Variants in IPO11 observed in about 807,000 individuals in gnomAD.
IPO11 encodes importin-11.
A neutral mutation model predicts 143.2 loss-of-function variants in IPO11; 66 were observed. The ratio of observed to expected loss-of-function variants is 0.46; its 90% CI spans 0.38 to 0.57. IPO11 has a LOEUF of 0.57. Ranked by LOEUF, IPO11 falls within the 20% of genes least tolerant of loss-of-function variation. The pLI is 0.00. For synonymous variants in IPO11, 385 were observed against 377.8 expected, an observed-to-expected ratio of 1.02 and a Z score of -0.22; for missense variants, 1,026 against 1,141.0, an observed-to-expected ratio of 0.90 and a Z score of 1.45.
intron 26 of IPO11, among the ~76,000 whole-genome samples, chr5:62,558,245 AAC>A (rs1743643266): frequency 6.6e-6 from 1 of 152,202 alleles, no homozygotes; most frequent in Non-Finnish European, 1.5e-5. Context: ...AAGTATTGTA[AAC>A]ACATGTTTTG....
intron 18 of IPO11, among the ~76,000 whole-genome samples, chr5:62,505,461 A>G (rs531860840): frequency 9.9e-5 from 15 of 152,230 alleles, no homozygotes; most frequent in African/African-American, 2.9e-4. Context: ...GAAGAAAGTT[A>G]CGTGATAAAA....
intron 26 of IPO11, 83 bp from the exon 27 acceptor site, chr5:62,561,053 A>C (rs1035756166): frequency 1.6e-6 from 2 of 1,231,784 alleles, no homozygotes; most frequent in African/African-American, 3.1e-5. Flanking sequence ...ACCATGACTT[A>C]TGAGGCTTTA....
intron 24 of IPO11, among the ~76,000 whole-genome samples, chr5:62,542,796 A>G (rs776057482): frequency 6.7e-6 from 1 of 148,710 alleles, no homozygotes; most frequent in Non-Finnish European, 1.5e-5. Context: ...ATTTGTCAAT[A>G]TTACAGCCGT....
chr5:62,619,769 C>T (rs566059101), intron 29 of IPO11, among the ~76,000 whole-genome samples: 2 of 151,792 alleles, frequency 1.3e-5, no homozygotes, highest in South Asian at 2.1e-4. Context: ...AGGAGAATGG[C>T]GTGAACCCAG....
chr5:62,619,622 G>A (rs1424605845), intron 29 of IPO11, among the ~76,000 whole-genome samples: 1 of 152,100 alleles, frequency 6.6e-6, no homozygotes, highest in Non-Finnish European at 1.5e-5. Context: ...GGGAGGCCGA[G>A]GCAGGCGGAT....
At chr5:62,510,162 T>C (rs897652576) in intron 19 of IPO11, among the ~76,000 whole-genome samples, 2 of 151,954 alleles carry the variant, frequency 1.3e-5, no homozygotes, top group African/African-American at 4.9e-5. Flanking sequence ...GCAAAAACTT[T>C]CTTAGTTCTA....
At chr5:62,442,838 T>G (rs1213026044) in intron 2 of IPO11, 145 bp from the exon 3 acceptor site, 2 of 440,954 alleles carry the variant, frequency 4.5e-6, no homozygotes, top group African/African-American at 4.2e-5. Context: ...CACTCCAGCC[T>G]GGGCGACGAG....
chr5:62,475,621 A>G (rs1329342416), intron 8 of IPO11, among the ~76,000 whole-genome samples: 2 of 152,246 alleles, frequency 1.3e-5, no homozygotes, highest in Non-Finnish European at 2.9e-5. Context: ...TATTGTCTAT[A>G]GACTATATGC....
intron 27 of IPO11, chr5:62,579,490 A>G (rs918530332): frequency 1.3e-6 from 2 of 1,550,648 alleles, no homozygotes; most frequent in African/African-American, 2.7e-5. Flanking sequence ...TCTGGTTGTT[A>G]CCTGTTATCT....
At chr5:62,570,080 T>G (rs1054816443) in intron 27 of IPO11, among the ~76,000 whole-genome samples, 1 of 152,218 alleles carries the variant, frequency 6.6e-6, no homozygotes, top group African/African-American at 2.4e-5. Context: ...AATTATAAGC[T>G]GAATTTTGTT....
chr5:62,470,358 T>G (rs777736951), intron 7 of IPO11, 50 bp downstream of exon 7: 2 of 1,482,710 alleles, frequency 1.3e-6, no homozygotes, highest in South Asian at 2.3e-5. Context: ...GGTATTTTCC[T>G]GAATGTTTGA....
At chr5:62,435,134 A>ATG (rs1208069497) in intron 1 of IPO11, among the ~76,000 whole-genome samples, 3 of 91,288 alleles carry the variant, frequency 3.3e-5, no homozygotes, top group African/African-American at 1.2e-4. Context: ...ATGTATATAT[A>ATG]TGTATATATG....
chr5:62,563,966 G>A (rs908121216), intron 27 of IPO11, among the ~76,000 whole-genome samples: 1 of 152,162 alleles, frequency 6.6e-6, no homozygotes, highest in African/African-American at 2.4e-5. Context: ...AAAGTTGTGA[G>A]GTGGTAGCCT....
chr5:62,440,945 G>C (rs778305508), intron 2 of IPO11, among the ~76,000 whole-genome samples: 1 of 151,624 alleles, frequency 6.6e-6, no homozygotes, highest in Non-Finnish European at 1.5e-5. Flanking sequence ...TCAGTGCAAC[G>C]GGAGTGAGAC....
chr5:62,540,855 T>A (rs1003651187), intron 24 of IPO11, among the ~76,000 whole-genome samples: 1 of 152,176 alleles, frequency 6.6e-6, no homozygotes, highest in African/African-American at 2.4e-5. Flanking sequence ...TTATTTAGTC[T>A]CTCTATGGGG....
intron 26 of IPO11, among the ~76,000 whole-genome samples, chr5:62,552,920 A>AT: frequency 6.6e-6 from 1 of 152,304 alleles, no homozygotes; most frequent in Non-Finnish European, 1.5e-5. Flanking sequence ...GGTAATTGAC[A>AT]TATCTGTCAC....
At chr5:62,465,036 A>T (rs1745518450) in intron 5 of IPO11, among the ~76,000 whole-genome samples, 1 of 152,240 alleles carries the variant, frequency 6.6e-6, no homozygotes, top group African/African-American at 2.4e-5. Flanking sequence ...TTACAAAAAG[A>T]CACAGTACAA....
chr5:62,473,414 A>G (rs1745848930), intron 7 of IPO11, among the ~76,000 whole-genome samples: 2 of 152,146 alleles, frequency 1.3e-5, no homozygotes, highest in Admixed American at 1.3e-4. Context: ...GAGTCAGTGG[A>G]TGGATATTGA....
chr5:62,609,149 A>G (rs182355576), intron 29 of IPO11, among the ~76,000 whole-genome samples: 153 of 152,326 alleles, frequency 1.0e-3, no homozygotes, highest in African/African-American at 3.6e-3. Flanking sequence ...GATCCTCTCT[A>G]GCTTCTCTTA....
Sources: gnomAD v4.1 joint callset for allele counts (sites outside exome capture counted in the v4.1 genomes callset) on GRCh38, gnomAD v4.1.1 for gene constraint, MANE v1.5 for transcripts, NCBI Gene and HGNC (gene_info 2026-07-23, HGNC 2026-07-21) for gene names.